Variants in NFAT5 observed in about 807,000 individuals in gnomAD.
NFAT5 encodes the protein nuclear factor of activated T cells 5.
NFAT5 carries 31 observed loss-of-function variants against 166.5 expected under a neutral mutation model. The ratio of observed to expected loss-of-function variants is 0.19; its 90% CI spans 0.14 to 0.25. The LOEUF (loss-of-function observed/expected upper bound fraction) is 0.25. Among genes scored for constraint, NFAT5 ranks in the 10% least tolerant of loss-of-function variants. The pLI, the probability that NFAT5 is intolerant of heterozygous loss-of-function variation, is 1.00. For synonymous variants in NFAT5, 612 were observed against 639.7 expected (o/e 0.96, Z 0.65); for missense variants, 1,449 against 1,821.8 (o/e 0.80, Z 3.72).
intron 4 of NFAT5, 62 bp from the exon 5 acceptor site, chr16:69,653,173 CT>C (rs878908483): frequency 0.089 from 72,656 of 818,744 alleles, 24 homozygotes; most frequent in South Asian, 0.13. Flanking sequence ...GTCTTAATGG[CT>C]TTTTTTTTTT....
rs571251283 is a variant in NFAT5 at position 69,678,508 on chromosome 16, C to T, written c.1690+1173C>T. Among the ~76,000 whole-genome samples the T allele has an allele frequency of 1.0e-3, 155 of 152,168 alleles. 2 individuals are homozygous for T. Among genetic ancestry groups the T allele is most frequent in the African/African-American group, 3.6e-3 (149 of 41,524 alleles). On this transcript the variant is annotated intron_variant, in intron 10 of 14. Transcript: ENST00000349945. Reference sequence around the variant, plus strand: ...GATTACAGGCATGAGCCACCACGTCCGACCCTAAAATGTTCAAAGTTTAGA... The same window carrying T: ...GATTACAGGCATGAGCCACCACGTCTGACCCTAAAATGTTCAAAGTTTAGA...
intron 3 of NFAT5, among the ~76,000 whole-genome samples, chr16:69,628,918 TA>T (rs1188712005): frequency 6.6e-6 from 1 of 151,856 alleles, no homozygotes; most frequent in Non-Finnish European, 1.5e-5. Flanking sequence ...ACTAAAAATA[TA>T]AAAAATCAGC....
intron 7 of NFAT5, among the ~76,000 whole-genome samples, chr16:69,667,131 A>C (rs868808322): frequency 3.7e-5 from 5 of 134,150 alleles, no homozygotes; most frequent in Non-Finnish European, 6.1e-5. Flanking sequence ...ATGAGAACAC[A>C]TGGACACAGG....
At chr16:69,636,587 G>T (rs974095247) in intron 3 of NFAT5, among the ~76,000 whole-genome samples, 2 of 152,146 alleles carry the variant, frequency 1.3e-5, no homozygotes, top group Non-Finnish European at 2.9e-5. Context: ...CTTGACTTCT[G>T]TGCACCCACA....
intron 2 of NFAT5, among the ~76,000 whole-genome samples, chr16:69,606,137 T>C (rs1354803621): frequency 6.6e-6 from 1 of 152,224 alleles, no homozygotes; most frequent in Admixed American, 6.5e-5. Flanking sequence ...TGGAAAGGGC[T>C]ATATGATCAA....
At chr16:69,644,923 G>A (rs905081713) in intron 3 of NFAT5, 3 of 437,880 alleles carry the variant, frequency 6.9e-6, no homozygotes, top group Non-Finnish European at 1.4e-5. Flanking sequence ...GTGTTCCACT[G>A]CAAATATTGC....
chr16:69,638,954 T>TCC (rs1477169348), intron 3 of NFAT5, among the ~76,000 whole-genome samples: 1 of 152,148 alleles, frequency 6.6e-6, no homozygotes, highest in Non-Finnish European at 1.5e-5. Context: ...TGTCTCTGTC[T>TCC]CTCTCTCTTT....
chr16:69,591,900 A>C (rs2032481711), intron 2 of NFAT5, among the ~76,000 whole-genome samples: 1 of 152,038 alleles, frequency 6.6e-6, no homozygotes, highest in South Asian at 2.1e-4. Context: ...ACTGCATTTC[A>C]GCCTGGGTGA....
intron 7 of NFAT5, among the ~76,000 whole-genome samples, chr16:69,664,128 G>C (rs2151656350): frequency 6.6e-6 from 1 of 152,224 alleles, no homozygotes; most frequent in East Asian, 1.9e-4. Context: ...GATAGGATTA[G>C]TAATTTACAT....
chr16:69,568,586 A>G (rs2016254356), intron 2 of NFAT5, 38 bp downstream of exon 2: 1 of 1,528,760 alleles, frequency 6.5e-7, no homozygotes. Flanking sequence ...TTGTGTTAGT[A>G]TGCAAAGGCT....
intron 11 of NFAT5, among the ~76,000 whole-genome samples, chr16:69,688,080 C>T (rs1206085787): frequency 6.6e-6 from 1 of 150,654 alleles, no homozygotes; most frequent in Non-Finnish European, 1.5e-5. Flanking sequence ...CCTGTAGTCC[C>T]AGCTACTCGG....
Position 69,694,106 on chromosome 16 carries a change from A to G in NFAT5, c.4281A>G (p.Gln1427=), listed in dbSNP as rs756979921. Reference sequence around the variant, plus strand: ...CTCAGAACAACATGCCTGGAATTCAAGGAGCCACATCTTCGCCTCAACCAC... The same window carrying G: ...CTCAGAACAACATGCCTGGAATTCAGGGAGCCACATCTTCGCCTCAACCAC... The part of the protein sequence containing the change: ...YSPQNNMPGI[Q]GATSSPQPQA... The change falls in exon 13 of 15, where the codon CAA becomes CAG. Residue 1427 remains glutamine, a synonymous_variant. Transcript: ENST00000349945. 6.2e-7 allele frequency: 1 copy of G among 1,614,234 alleles called. No homozygotes were observed. The highest frequency in any genetic ancestry group is 1.1e-5 in the South Asian group (1 of 91,088).
chr16:69,601,777 G>A (rs2033145610), intron 2 of NFAT5, among the ~76,000 whole-genome samples: 1 of 152,126 alleles, frequency 6.6e-6, no homozygotes, highest in Non-Finnish European at 1.5e-5. Context: ...AATGAACATA[G>A]TACAAATGAT....
intron 9 of NFAT5, among the ~76,000 whole-genome samples, chr16:69,674,226 A>G (rs547775993): frequency 2.5e-4 from 37 of 148,538 alleles, no homozygotes; most frequent in African/African-American, 7.2e-4. Flanking sequence ...CTGGGCAACA[A>G]GAGTGAAACT....
intron 4 of NFAT5, chr16:69,649,522 TG>T: frequency 4.1e-6 from 4 of 984,580 alleles, no homozygotes; most frequent in Non-Finnish European, 4.8e-6. Flanking sequence ...AAATAATTCA[TG>T]GAGCAGAAAT....
At chr16:69,592,837 T>C (rs190321342) in intron 2 of NFAT5, among the ~76,000 whole-genome samples, 3 of 152,332 alleles carry the variant, frequency 2.0e-5, no homozygotes, top group Non-Finnish European at 2.9e-5. Flanking sequence ...ATGGAATAAA[T>C]TGCTTTCAGA....
intron 10 of NFAT5, among the ~76,000 whole-genome samples, chr16:69,683,336 A>G (rs1597545699): frequency 6.6e-6 from 1 of 152,174 alleles, no homozygotes; most frequent in Admixed American, 6.5e-5. Context: ...GTTTGAGACC[A>G]ACCTGGGCAA....
chr16:69,664,264 A>G (rs1250414265), intron 7 of NFAT5, among the ~76,000 whole-genome samples: 2 of 152,126 alleles, frequency 1.3e-5, no homozygotes, highest in Non-Finnish European at 2.9e-5. Context: ...GTATTCAGAT[A>G]TTCATTATTT....
chr16:69,618,821 A>G (rs1361277723), intron 2 of NFAT5, among the ~76,000 whole-genome samples: 1 of 152,202 alleles, frequency 6.6e-6, no homozygotes, highest in Admixed American at 6.5e-5. Flanking sequence ...TAATGTTTGC[A>G]TTTCATATCA....
Sources: gnomAD v4.1 joint callset for allele counts (sites outside exome capture counted in the v4.1 genomes callset) on GRCh38, gnomAD v4.1.1 for gene constraint, MANE v1.5 for transcripts, NCBI Gene and HGNC (gene_info 2026-07-23, HGNC 2026-07-21) for gene names.